EPRS1: variants seen among roughly 807,000 people sequenced by gnomAD.
EPRS1 encodes the protein glutamyl-prolyl-tRNA synthetase 1, also known as bifunctional glutamate/proline--tRNA ligase.
A neutral mutation model predicts 188.3 loss-of-function variants in EPRS1; 107 were observed. The observed-to-expected ratio is 0.57, with a 90% CI of 0.49 to 0.67. EPRS1 has a LOEUF of 0.67. Ranked by LOEUF, EPRS1 falls within the 30% of genes least tolerant of loss-of-function variation. The probability of loss-of-function intolerance (pLI) is 0.00; values close to 1 mark genes in which losing one functional copy is unlikely to be tolerated. For missense variants in EPRS1, 1,577 were observed against 1,802.2 expected (o/e 0.88, Z 2.26); for synonymous variants, 596 against 593.1 (o/e 1.00, Z -0.07).
Position 220,022,390 on chromosome 1 carries a change from G to A in EPRS1, c.1072C>T (p.Arg358Cys), listed in dbSNP as rs1448727059. 2.5e-6 allele frequency: 4 copies of A among 1,613,788 alleles called. No individual in the cohort carries two copies. Among genetic ancestry groups the A allele is most frequent in the Non-Finnish European group, 3.4e-6 (4 of 1,179,904 alleles). Residue 358 changes from arginine to cysteine, a missense_variant, in exon 9 of 32, where the codon CGC becomes TGC. Physicochemically the swap from Arg to Cys is radical, Grantham distance 180 (BLOSUM62 -3). Transcript: ENST00000366923. ...CTTGGATGTGGTTGAATTTTGCAGC[G>A]ATAAAGGGTTGGATCTCTCATGCAT... ...NGCMRDPTLY[R>C]CKIQPHPRTG... is the part of the protein sequence containing the mutation.
intron 18 of EPRS1, among the ~76,000 whole-genome samples, chr1:219,990,517 C>T (rs921005337): frequency 3.9e-5 from 6 of 152,074 alleles, no homozygotes; most frequent in Admixed American, 3.9e-4. Flanking sequence ...GAGAAGTTGT[C>T]AAGTTTAGAA....
chr1:219,996,217 G>C (rs1452929163), intron 18 of EPRS1, among the ~76,000 whole-genome samples: 3 of 152,102 alleles, frequency 2.0e-5, no homozygotes, highest in African/African-American at 4.8e-5. Context: ...TTTTGCCTAA[G>C]GACATACTGA....
At chr1:219,973,530 A>G in intron 28 of EPRS1, 132 bp from the exon 29 acceptor site, 1 of 360,366 alleles carries the variant, frequency 2.8e-6, no homozygotes, top group Non-Finnish European at 4.4e-6. Flanking sequence ...AAAAAACAAG[A>G]GAAAAAAAAA....
intron 18 of EPRS1, among the ~76,000 whole-genome samples, chr1:219,994,535 A>T (rs990715934): frequency 3.0e-4 from 45 of 152,236 alleles, no homozygotes; most frequent in African/African-American, 1.1e-3. Flanking sequence ...ACAAAATATT[A>T]AAAAAGAAAA....
chr1:219,994,633 ACTT>A (rs1347875460), intron 18 of EPRS1, among the ~76,000 whole-genome samples: 3 of 145,762 alleles, frequency 2.1e-5, no homozygotes, highest in Non-Finnish European at 4.5e-5. Context: ...TGCCGTGGTA[ACTT>A]CTTCTTTTTT....
At chr1:220,004,608 C>T (rs923855316) in intron 16 of EPRS1, among the ~76,000 whole-genome samples, 2 of 152,024 alleles carry the variant, frequency 1.3e-5, no homozygotes, top group African/African-American at 4.8e-5. Flanking sequence ...AAAGATGACA[C>T]CTAGATCCTG....
Position 220,024,340 on chromosome 1 carries a change from A to C in EPRS1, c.867T>G (p.Ala289=). ...GTTCAGCAGGAGTATCATCCACATA[A>C]GCCTTCCCTTCTTGAATTAGCTTCT... ...YAEKLIQEGK[A]YVDDTPAEQM... The change falls in exon 8 of 32, where the codon GCT becomes GCG. Residue 289 remains alanine, a synonymous_variant. Transcript: ENST00000366923. 6.2e-7 allele frequency: 1 copy of C among 1,613,652 alleles called. No homozygotes were observed. Among genetic ancestry groups the C allele is most frequent in the East Asian group, 2.2e-5 (1 of 44,844 alleles).
chr1:219,979,744 G>C (rs1193933368), intron 26 of EPRS1, 129 bp from the exon 27 acceptor site: 2 of 650,832 alleles, frequency 3.1e-6, no homozygotes, highest in Admixed American at 3.0e-5. Context: ...CATTAAATAA[G>C]GTTTTTAATT....
At chr1:219,996,154 C>G (rs1261793765) in intron 18 of EPRS1, among the ~76,000 whole-genome samples, 1 of 152,172 alleles carries the variant, frequency 6.6e-6, no homozygotes, top group African/African-American at 2.4e-5. Flanking sequence ...TGTCTCTTAC[C>G]TACATCAAGT....
intron 28 of EPRS1, among the ~76,000 whole-genome samples, chr1:219,977,764 A>G (rs774288600): frequency 3.9e-5 from 6 of 152,214 alleles, no homozygotes; most frequent in Admixed American, 6.5e-5. Flanking sequence ...AACAAATAAG[A>G]TGATAAATAT....
chr1:219,977,134 T>A (rs1660796032), intron 28 of EPRS1, among the ~76,000 whole-genome samples: 1 of 152,074 alleles, frequency 6.6e-6, no homozygotes, highest in Non-Finnish European at 1.5e-5. Flanking sequence ...AATCCAGATC[T>A]CCTAAAATAT....
intron 12 of EPRS1, among the ~76,000 whole-genome samples, chr1:220,014,750 G>T (rs1180494683): frequency 1.3e-5 from 2 of 150,086 alleles, no homozygotes; most frequent in African/African-American, 4.9e-5. Flanking sequence ...GTGAAGCTCA[G>T]TTGAAAGCCC....
intron 1 of EPRS1, among the ~76,000 whole-genome samples, chr1:220,044,802 A>C (rs1431586705): frequency 6.6e-6 from 1 of 152,102 alleles, no homozygotes; most frequent in Non-Finnish European, 1.5e-5. Context: ...TAAAACAAGG[A>C]AACTATGGGA....
At chr1:219,987,439 G>A (rs780759726) in intron 19 of EPRS1, 35 bp from the exon 20 acceptor site, 2 of 1,532,468 alleles carry the variant, frequency 1.3e-6, no homozygotes, top group South Asian at 2.4e-5. Flanking sequence ...AGAGAAGACA[G>A]TATTTAACTC....
At chr1:220,017,340 C>T (rs544597870) in intron 12 of EPRS1, among the ~76,000 whole-genome samples, 1 of 152,182 alleles carries the variant, frequency 6.6e-6, no homozygotes, top group Non-Finnish European at 1.5e-5. Flanking sequence ...CCCTACAGAA[C>T]TATTTGACTA....
Position 220,005,242 on chromosome 1 carries a change from A to T in EPRS1, c.2063+6T>A. On this transcript the variant is annotated splice_donor_region_variant and intron_variant, in intron 16 of 31. Transcript: ENST00000366923. ...TTCATTTAGACGTTCAGTTACATTT[A>T]CTTACCTAACAGGTTCATAAGGTTG... The T allele has an allele frequency of 7.7e-7, 1 of 1,293,648 alleles. No individual in the cohort carries two copies. Among genetic ancestry groups the T allele is most frequent in the Non-Finnish European group, 1.1e-6 (1 of 923,998 alleles). 80.1% of individuals were successfully genotyped at this position (1,293,648 alleles called of 1,614,324 possible).
In EPRS1 at chr1:219,991,227, TAAAA is replaced by T. The variant is rs61141405; in HGVS notation, c.2542-2408_2542-2405del. On this transcript the variant is annotated intron_variant, in intron 18 of 31. Coordinates refer to ENST00000366923, the MANE Select transcript of EPRS1 (RefSeq NM_004446.3). The stretch of plus-strand genomic sequence containing the variant: ...TTCTCCATGGGGAAAGGAGTGACCT[TAAAA>T]AAAAAAAAAAAAAAAAACCTGGAAC... Among the ~76,000 whole-genome samples, 818 of 123,600 alleles carry T rather than the reference TAAAA, an allele frequency of 6.6e-3. 13 individuals carry two copies. The highest frequency in any genetic ancestry group is 0.024 in the African/African-American group (775 of 32,936). The allele number at this position is 123,600 out of a possible 152,430, so 81.1% of individuals were successfully genotyped here.
At chr1:220,013,148 GA>G (rs1661640107) in intron 12 of EPRS1, among the ~76,000 whole-genome samples, 1 of 152,174 alleles carries the variant, frequency 6.6e-6, no homozygotes, top group Non-Finnish European at 1.5e-5. Flanking sequence ...TGCCTTGACT[GA>G]AAAGTTAAAA....
chr1:219,979,389 T>C (rs551133576), intron 27 of EPRS1, 29 bp downstream of exon 27: 9 of 1,507,734 alleles, frequency 6.0e-6, no homozygotes, highest in African/African-American at 1.4e-5. Context: ...TTTTATAAAA[T>C]GAGTGATAAA....
Sources: allele counts gnomAD v4.1 joint callset (sites outside exome capture counted in the v4.1 genomes callset), GRCh38; gene constraint gnomAD v4.1.1; transcripts MANE v1.5; gene names NCBI Gene and HGNC (gene_info 2026-07-23, HGNC 2026-07-21).